INTU: variants seen among roughly 807,000 people sequenced by gnomAD.
INTU encodes protein inturned.
INTU carries 68 observed loss-of-function variants against 100.5 expected under a neutral mutation model. That is an observed-to-expected ratio of 0.68 (90% CI 0.56 to 0.83). INTU has a LOEUF of 0.83. Among genes scored for constraint, INTU ranks in the 40% least tolerant of loss-of-function variants. INTU has a pLI of 0.00. For missense variants in INTU, 1,071 were observed against 1,114.7 expected (o/e 0.96, Z 0.56); for synonymous variants, 357 against 395.7 (o/e 0.90, Z 1.16).
intron 5 of INTU, 23 bp from the exon 6 acceptor site, chr4:127,674,101 A>C (rs1434579663): frequency 6.7e-7 from 1 of 1,490,160 alleles, no homozygotes; most frequent in South Asian, 1.2e-5. Flanking sequence ...TTCTAACCTT[A>C]TTTTGAATAT....
intron 10 of INTU, among the ~76,000 whole-genome samples, 161 bp downstream of exon 10, chr4:127,704,451 C>T (rs1730787376): frequency 6.6e-6 from 1 of 152,106 alleles, no homozygotes; most frequent in South Asian, 2.1e-4. Context: ...TCTTGCTCTG[C>T]CACCTAGGCT....
intron 6 of INTU, among the ~76,000 whole-genome samples, chr4:127,675,121 A>G (rs1278049205): frequency 1.3e-5 from 2 of 152,348 alleles, no homozygotes; most frequent in Non-Finnish European, 2.9e-5. Flanking sequence ...TAAAACTTGT[A>G]ATTTAGACTT....
intron 2 of INTU, among the ~76,000 whole-genome samples, chr4:127,651,519 T>A (rs1273735165): frequency 4.6e-5 from 7 of 152,196 alleles, no homozygotes; most frequent in East Asian, 1.9e-4. Context: ...GTCAAAGATC[T>A]GATAGTTGTA....
At chr4:127,638,943 A>G (rs1353106042) in intron 1 of INTU, among the ~76,000 whole-genome samples, 1 of 152,180 alleles carries the variant, frequency 6.6e-6, no homozygotes, top group Admixed American at 6.5e-5. Flanking sequence ...TACTACAAAG[A>G]TCTGAATTAA....
chr4:127,699,981 A>G, intron 8 of INTU, 29 bp from the exon 9 acceptor site: 1 of 1,523,068 alleles, frequency 6.6e-7, no homozygotes, highest in Non-Finnish European at 8.9e-7. Flanking sequence ...TCAAATGTTT[A>G]TGTTACTCTT....
intron 7 of INTU, 56 bp downstream of exon 7, chr4:127,684,542 T>C (rs1195951294): frequency 1.3e-5 from 14 of 1,042,302 alleles, no homozygotes; most frequent in East Asian, 5.0e-5. Flanking sequence ...CTAAGTCATC[T>C]TCTGCATTTA....
intron 9 of INTU, among the ~76,000 whole-genome samples, chr4:127,703,255 A>G (rs1730727254): frequency 6.6e-6 from 1 of 152,138 alleles, no homozygotes; most frequent in Admixed American, 6.6e-5. Flanking sequence ...TGGCTGGGTT[A>G]TTTCCAGTTT....
intron 4 of INTU, among the ~76,000 whole-genome samples, chr4:127,666,138 T>C (rs559804971): frequency 2.3e-4 from 35 of 152,320 alleles, no homozygotes; most frequent in Non-Finnish European, 4.1e-4. Context: ...TAAACAATTA[T>C]ATATTTATTT....
chr4:127,652,283 T>A (rs999352749), intron 2 of INTU, among the ~76,000 whole-genome samples: 2 of 149,070 alleles, frequency 1.3e-5, no homozygotes, highest in Non-Finnish European at 3.0e-5. Context: ...AGAGACGGCA[T>A]CCCTGTCTTG....
rs775648954 is a variant in INTU, at chr4:127,643,906, CA to C, written c.533del (p.Gln178ArgfsTer43). ...GCTAACTGTTATCAAAGCCAAAGAG[CA>C]GCTCAAGCTTCTGGAAGTGCTGGTT... ...KKLTVIKAKE[Q>X]LKLLEVLVGI... On this transcript the variant is annotated frameshift_variant, in exon 2 of 16. Coordinates refer to ENST00000335251, the MANE Select transcript of INTU (RefSeq NM_015693.4). LOFTEE classifies it high-confidence loss of function. 6.2e-7 allele frequency: 1 copy of C among 1,614,132 alleles called. No homozygotes were observed. The highest frequency in any genetic ancestry group is 1.1e-5 in the South Asian group (1 of 91,070).
chr4:127,720,513 T>G lies in INTU; in HGVS notation c.*4077T>G, dbSNP rs1315385597. 6.6e-6 allele frequency: 1 copy of G among 152,192 alleles called. No individual in the cohort carries two copies. Among genetic ancestry groups the G allele is most frequent in the Non-Finnish European group, 1.5e-5 (1 of 68,036 alleles). The allele number at this position is 152,192 out of a possible 1,614,324, so 9.4% of individuals were successfully genotyped here. On this transcript the variant is annotated 3_prime_UTR_variant, in exon 16 of 16. Transcript: ENST00000335251. ...TATCAGGTCCCACTTGATCCAGAGCTGAGGTCAAGTCCTGAATAACTTTGT... is the reference window on the plus strand; with the variant it reads ...TATCAGGTCCCACTTGATCCAGAGCGGAGGTCAAGTCCTGAATAACTTTGT...
intron 3 of INTU, among the ~76,000 whole-genome samples, chr4:127,661,114 TC>T (rs1311346943): frequency 1.3e-5 from 2 of 152,170 alleles, no homozygotes; most frequent in Non-Finnish European, 2.9e-5. Context: ...CTGAAATAGT[TC>T]CCTAAGGAAT....
rs1211830594 is a variant in INTU, at chr4:127,716,785, G to A, written c.*349G>A. On this transcript the variant is annotated 3_prime_UTR_variant, in exon 16 of 16. Transcript: ENST00000335251. ...TTTATTCTTGAAAAATACTCAATTT[G>A]TTGTTGTTTATTTTTCTCAAAATTC... 1 of 155,158 alleles carries A rather than the reference G, an allele frequency of 6.4e-6. No individual in the cohort carries two copies. The highest frequency in any genetic ancestry group is 1.4e-5 in the Non-Finnish European group (1 of 69,896). The allele number at this position is 155,158 out of a possible 1,614,324, so 9.6% of individuals were successfully genotyped here. A position where few individuals can be genotyped will look rare whatever the true frequency, so the allele number is the denominator to read the frequency against.
At chr4:127,665,798 G>T (rs1245764943) in intron 4 of INTU, among the ~76,000 whole-genome samples, 2 of 152,054 alleles carry the variant, frequency 1.3e-5, no homozygotes, top group South Asian at 4.1e-4. Flanking sequence ...CTTGAAAGAA[G>T]TATCATCATT....
intron 8 of INTU, among the ~76,000 whole-genome samples, chr4:127,689,351 A>G (rs1729998402): frequency 6.6e-6 from 1 of 152,112 alleles, no homozygotes; most frequent in South Asian, 2.1e-4. Context: ...ATATTTTCAT[A>G]AGAATATATA....
chr4:127,724,264 A>T lies in INTU; in HGVS notation c.*7828A>T, dbSNP rs1264950836. The T allele has an allele frequency of 6.6e-6, 1 of 152,194 alleles. No individual in the cohort carries two copies. Among genetic ancestry groups the T allele is most frequent in the Non-Finnish European group, 1.5e-5 (1 of 68,072 alleles). The allele number at this position is 152,194 out of a possible 1,614,324, so 9.4% of individuals were successfully genotyped here. On this transcript the variant is annotated 3_prime_UTR_variant, in exon 16 of 16. Transcript: ENST00000335251. The stretch of plus-strand genomic sequence containing the variant: ...GTGAAACCCCATCTCTACTAAAAAT[A>T]CAAAAATTAGCTGGGCGTGGTGGTG...
intron 1 of INTU, among the ~76,000 whole-genome samples, chr4:127,637,610 C>G (rs977000007): frequency 1.3e-5 from 2 of 152,194 alleles, no homozygotes; most frequent in Non-Finnish European, 2.9e-5. Context: ...ATCTCTCCAT[C>G]CTGTACTCTA....
At chr4:127,640,383 G>T (rs747323890) in intron 1 of INTU, among the ~76,000 whole-genome samples, 3 of 151,256 alleles carry the variant, frequency 2.0e-5, no homozygotes, top group African/African-American at 7.3e-5. Flanking sequence ...ACACTTCCCT[G>T]TCTCTACCTC....
chr4:127,682,909 G>T (rs1265049978), intron 6 of INTU, among the ~76,000 whole-genome samples: 1 of 152,128 alleles, frequency 6.6e-6, no homozygotes, highest in Non-Finnish European at 1.5e-5. Context: ...AGAGAAGAAA[G>T]AGAATACAGT....
Sources: gnomAD v4.1 joint callset for allele counts (sites outside exome capture counted in the v4.1 genomes callset) on GRCh38, gnomAD v4.1.1 for gene constraint, MANE v1.5 for transcripts, NCBI Gene and HGNC (gene_info 2026-07-23, HGNC 2026-07-21) for gene names.